The following MTX2 variants were observed in gnomAD, a reference collection of about 807,000 sequenced individuals.
The protein encoded by MTX2 is metaxin 2, also known as metaxin-2.
Under a neutral mutation model 42.3 loss-of-function variants are expected in MTX2, and 35 were observed. The ratio of observed to expected loss-of-function variants is 0.83; its 90% CI spans 0.63 to 1.10. The LOEUF is 1.10. MTX2 is among the 50% of genes least tolerant of loss of function. MTX2 has a pLI of 0.00. For synonymous variants in MTX2, 119 were observed against 100.9 expected, an observed-to-expected ratio of 1.18 and a Z score of -1.08; for missense variants, 307 against 304.1, an observed-to-expected ratio of 1.01 and a Z score of -0.07.
chr2:176,326,737 C>T (rs1558943483), intron 4 of MTX2, 88 bp from the exon 5 acceptor site: 3 of 814,522 alleles, frequency 3.7e-6, no homozygotes. Context: ...TTTATAAATA[C>T]CTGAGTTTTG....
At chr2:176,284,037 A>T (rs1384515743) in intron 1 of MTX2, among the ~76,000 whole-genome samples, 1 of 152,134 alleles carries the variant, frequency 6.6e-6, no homozygotes, top group Non-Finnish European at 1.5e-5. Flanking sequence ...CTCTTCTGTT[A>T]ATTTATCATT....
chr2:176,328,169 AG>A, intron 5 of MTX2, 123 bp from the exon 6 acceptor site: 1 of 466,114 alleles, frequency 2.1e-6, no homozygotes, highest in South Asian at 4.9e-5. Context: ...AATAATTTTT[AG>A]GGGGCATTTT....
Position 176,328,829 on chromosome 2 carries a change from C to T in MTX2, c.379-45C>T, listed in dbSNP as rs146164822. ...AAAAAATAACTTTCTTTATCCTTTT[C>T]CTCTTTGGTATTCTAAAGTTTAGTG... On this transcript the variant is annotated intron_variant, in intron 6 of 9. Coordinates refer to ENST00000249442, the MANE Select transcript of MTX2 (RefSeq NM_006554.5). The T allele has an allele frequency of 3.3e-3, 5,227 of 1,562,618 alleles. 16 individuals carry two copies. The highest frequency in any genetic ancestry group is 3.8e-3 in the Non-Finnish European group (4,320 of 1,144,330).
At chr2:176,295,183 T>C (rs544358603) in intron 1 of MTX2, among the ~76,000 whole-genome samples, 77 of 152,302 alleles carry the variant, frequency 5.1e-4, no homozygotes, top group South Asian at 2.1e-3. Flanking sequence ...ATTTATTCTT[T>C]GAAATTTTGT....
chr2:176,304,280 T>G (rs1684092881), intron 3 of MTX2: 1 of 154,404 alleles, frequency 6.5e-6, no homozygotes, highest in Admixed American at 6.6e-5. Context: ...AGAATTACAT[T>G]ATACTGTTAT....
chr2:176,328,434 T>C, intron 6 of MTX2, 49 bp downstream of exon 6: 1 of 1,175,110 alleles, frequency 8.5e-7, no homozygotes, highest in Non-Finnish European at 1.2e-6. Flanking sequence ...TCTCTCATTC[T>C]CATAAAATAT....
chr2:176,279,355 T>C (rs1693027392), intron 1 of MTX2, among the ~76,000 whole-genome samples: 1 of 152,154 alleles, frequency 6.6e-6, no homozygotes, highest in South Asian at 2.1e-4. Context: ...TTGTATAACA[T>C]GAAGAGGCCA....
At chr2:176,294,171 T>C (rs556489510) in intron 1 of MTX2, among the ~76,000 whole-genome samples, 1 of 152,172 alleles carries the variant, frequency 6.6e-6, no homozygotes, top group African/African-American at 2.4e-5. Flanking sequence ...GTAGGAAGCT[T>C]CTTTAGTCTT....
At chr2:176,321,285 A>G (rs1195241238) in intron 3 of MTX2, among the ~76,000 whole-genome samples, 1 of 152,292 alleles carries the variant, frequency 6.6e-6, no homozygotes, top group East Asian at 1.9e-4. Flanking sequence ...TGGGTCAGTC[A>G]GGAAGCTCAC....
intron 1 of MTX2, among the ~76,000 whole-genome samples, chr2:176,290,304 C>T (rs1575038463): frequency 1.3e-5 from 2 of 152,074 alleles, no homozygotes; most frequent in African/African-American, 2.4e-5. Context: ...CCCCATTCTC[C>T]TCACTAATTC....
intron 1 of MTX2, among the ~76,000 whole-genome samples, chr2:176,276,251 T>G (rs1233458175): frequency 2.0e-5 from 3 of 152,222 alleles, no homozygotes; most frequent in Non-Finnish European, 2.9e-5. Context: ...TTTCAAGATA[T>G]ATACATTTGA....
At chr2:176,335,367 G>T (rs1006949609) in intron 9 of MTX2, among the ~76,000 whole-genome samples, 3 of 152,068 alleles carry the variant, frequency 2.0e-5, no homozygotes, top group African/African-American at 7.2e-5. Flanking sequence ...GATTATCAAG[G>T]CTCTGTGTGC....
chr2:176,308,754 T>G (rs1684218921), intron 3 of MTX2, among the ~76,000 whole-genome samples: 1 of 152,230 alleles, frequency 6.6e-6, no homozygotes, highest in Non-Finnish European at 1.5e-5. Context: ...TTGTCATTTT[T>G]TATTGTGTCT....
chr2:176,293,723 G>A (rs1693378097), intron 1 of MTX2, among the ~76,000 whole-genome samples: 1 of 152,158 alleles, frequency 6.6e-6, no homozygotes, highest in African/African-American at 2.4e-5. Context: ...GCAGAACCAT[G>A]AGCCAAAATA....
At chr2:176,306,683 G>A (rs369550118) in intron 3 of MTX2, among the ~76,000 whole-genome samples, 4 of 152,028 alleles carry the variant, frequency 2.6e-5, no homozygotes, top group African/African-American at 7.2e-5. Context: ...TTTTTTTCAC[G>A]TGTCTATTGG....
intron 3 of MTX2, among the ~76,000 whole-genome samples, chr2:176,306,913 T>C (rs1210011817): frequency 6.6e-6 from 1 of 152,210 alleles, no homozygotes; most frequent in Non-Finnish European, 1.5e-5. Flanking sequence ...TTAGTTTAAT[T>C]AGATCCCATT....
At chr2:176,334,479 T>A in intron 9 of MTX2, among the ~76,000 whole-genome samples, 1 of 151,846 alleles carries the variant, frequency 6.6e-6, no homozygotes, top group Non-Finnish European at 1.5e-5. Flanking sequence ...ACATCCTTGG[T>A]TTTTTGCAGG....
intron 3 of MTX2, among the ~76,000 whole-genome samples, chr2:176,298,197 A>C (rs187435669): frequency 9.2e-5 from 14 of 151,468 alleles, no homozygotes; most frequent in Non-Finnish European, 5.9e-5. Context: ...GCTGGATATG[A>C]TGGTGTTGAT....
intron 1 of MTX2, among the ~76,000 whole-genome samples, chr2:176,283,803 A>G (rs951979552): frequency 4.6e-5 from 7 of 152,164 alleles, no homozygotes; most frequent in Non-Finnish European, 8.8e-5. Flanking sequence ...TGTGAAGGTT[A>G]ATGTTGTTGA....
Sources: gnomAD v4.1 joint callset for allele counts (sites outside exome capture counted in the v4.1 genomes callset) on GRCh38, gnomAD v4.1.1 for gene constraint, MANE v1.5 for transcripts, NCBI Gene and HGNC (gene_info 2026-07-23, HGNC 2026-07-21) for gene names.